The following TBC1D12 variants were observed in gnomAD, a reference collection of about 807,000 sequenced individuals.
TBC1D12 encodes the protein TBC1 domain family member 12, also known as TBC1 domain family, member 12.
In TBC1D12, 56 loss-of-function variants were observed where a neutral mutation model predicts 86.7. The observed-to-expected ratio is 0.65, with a 90% CI of 0.52 to 0.81. The LOEUF is 0.81. Ranked by LOEUF, TBC1D12 falls within the 30% of genes least tolerant of loss-of-function variation. The pLI, the probability that TBC1D12 is intolerant of heterozygous loss-of-function variation, is 0.00. For synonymous variants in TBC1D12, 421 were observed against 411.7 expected (o/e 1.02, Z -0.27); for missense variants, 1,023 against 1,038.8 (o/e 0.98, Z 0.21).
intron 3 of TBC1D12, among the ~76,000 whole-genome samples, chr10:94,477,652 T>C (rs7092239): frequency 0.027 from 4,128 of 152,274 alleles, 188 homozygotes; most frequent in African/African-American, 0.091. Context: ...TTCTTCTGTT[T>C]ATGGATGCAG....
chr10:94,501,202 A>G (rs2056391903), intron 6 of TBC1D12, among the ~76,000 whole-genome samples: 1 of 152,126 alleles, frequency 6.6e-6, no homozygotes, highest in Admixed American at 6.5e-5. Flanking sequence ...TAATCCCAGC[A>G]CTTTGGGAGG....
chr10:94,415,886 A>G (rs909419487), intron 1 of TBC1D12, among the ~76,000 whole-genome samples: 1 of 152,236 alleles, frequency 6.6e-6, no homozygotes, highest in Non-Finnish European at 1.5e-5. Flanking sequence ...AAATACTAGA[A>G]TAAGGATTTA....
At chr10:94,468,741 T>G (rs578261497) in intron 2 of TBC1D12, among the ~76,000 whole-genome samples, 63 of 152,324 alleles carry the variant, frequency 4.1e-4, no homozygotes, top group Non-Finnish European at 8.4e-4. Flanking sequence ...ATTTCAGCCA[T>G]TATTGTCTTA....
At chr10:94,508,398 TG>T (rs1216584378) in intron 7 of TBC1D12, 1 of 152,310 alleles carries the variant, frequency 6.6e-6, no homozygotes, top group Admixed American at 6.5e-5. Flanking sequence ...TCCAAAGTGC[TG>T]GGATTGCAGG....
intron 12 of TBC1D12, 45 bp from the exon 13 acceptor site, chr10:94,532,983 G>A: frequency 1.9e-6 from 2 of 1,078,056 alleles, no homozygotes; most frequent in African/African-American, 3.2e-5. Context: ...CTTTAATCTG[G>A]GTGGTAGTTT....
Position 94,403,268 on chromosome 10 carries a change from T to C in TBC1D12, c.655T>C (p.Ser219Pro), listed in dbSNP as rs1485964304. The change falls in exon 1 of 13, where the codon TCG becomes CCG. Residue 219 changes from serine (S) to proline (P), a missense_variant. Ser to Pro is a moderately conservative substitution (Grantham distance 74). This residue lies in a region of TBC1D12 where 628 missense variants were observed against 531.1 expected (regional missense o/e 1.18). Transcript: ENST00000225235. ...AQEPEGAGSD[S>P]GDSPASSCSS... ...GGAGCCCGAGGGCGCGGGCAGCGAC[T>C]CGGGGGACAGCCCCGCCAGCAGCTG... The C allele has an allele frequency of 6.7e-7, 1 of 1,503,138 alleles. No homozygotes were observed. The highest frequency in any genetic ancestry group is 1.5e-5 in the African/African-American group (1 of 68,492). The allele number at this position is 1,503,138 out of a possible 1,614,324, so 93.1% of individuals were successfully genotyped here.
intron 3 of TBC1D12, among the ~76,000 whole-genome samples, chr10:94,476,018 C>T (rs573656942): frequency 2.6e-5 from 4 of 152,260 alleles, no homozygotes; most frequent in Admixed American, 2.6e-4. Context: ...TAGCTTACTG[C>T]AGCCTCGAAC....
chr10:94,419,988 T>C (rs2055052661), intron 1 of TBC1D12, among the ~76,000 whole-genome samples: 2 of 152,224 alleles, frequency 1.3e-5, no homozygotes, highest in African/African-American at 4.8e-5. Context: ...GTTTTATAAA[T>C]CTGTTAAATT....
At position 94,402,606 on chromosome 10, in the gene TBC1D12, AC is replaced by A; in HGVS notation, c.-3del. 1 of 1,610,478 alleles carries A rather than the reference AC, an allele frequency of 6.2e-7. No individual in the cohort carries two copies. Among genetic ancestry groups the A allele is most frequent in the Non-Finnish European group, 8.5e-7 (1 of 1,178,908 alleles). Reference sequence around the variant, plus strand: ...TTGCCTCCTGGGGCGGCCGCCACCCACCCCCAGATGGTGGGTCCGGAGGATG... The same window carrying A: ...TTGCCTCCTGGGGCGGCCGCCACCCACCCCAGATGGTGGGTCCGGAGGATG... On this transcript the variant is annotated 5_prime_UTR_variant, in exon 1 of 13. Coordinates refer to ENST00000225235, the MANE Select transcript of TBC1D12 (RefSeq NM_015188.2).
chr10:94,512,195 A>T (rs1197177076), intron 9 of TBC1D12, among the ~76,000 whole-genome samples: 1 of 152,212 alleles, frequency 6.6e-6, no homozygotes, highest in Non-Finnish European at 1.5e-5. Context: ...TTTAGTTTTA[A>T]CATTCTACAC....
chr10:94,412,506 G>A lies in TBC1D12; in HGVS notation c.971+8922G>A, dbSNP rs115300016. Among the ~76,000 whole-genome samples, 1,223 of 152,288 alleles carry A rather than the reference G, an allele frequency of 8.0e-3. 16 individuals are homozygous for A. The highest frequency in any genetic ancestry group is 0.027 in the African/African-American group (1,103 of 41,562). On this transcript the variant is annotated intron_variant, in intron 1 of 12. Coordinates refer to ENST00000225235, the MANE Select transcript of TBC1D12 (RefSeq NM_015188.2). ...GAAGTCTTGAAGCTTTGACTAAAAA[G>A]CAAATCTGAGAAGGAACCGAAAGGA...
In TBC1D12 at chr10:94,489,823, C is replaced by G. The variant is rs1313822821; in HGVS notation, c.1212-3542C>G. 2.0e-5 allele frequency among the ~76,000 whole-genome samples: 3 copies of G among 152,168 alleles called. 1 individual carries two copies. Among genetic ancestry groups the G allele is most frequent in the Admixed American group, 1.3e-4 (2 of 15,280 alleles). On this transcript the variant is annotated intron_variant, in intron 3 of 12. Transcript: ENST00000225235. The stretch of plus-strand genomic sequence containing the variant: ...GGAGCAGTAAGACACACATGTTTGC[C>G]TTGGCACACAAATTTGCCATCTTAT...
intron 2 of TBC1D12, among the ~76,000 whole-genome samples, chr10:94,458,411 T>C (rs565333047): frequency 6.6e-6 from 1 of 152,252 alleles, no homozygotes; most frequent in Admixed American, 6.5e-5. Flanking sequence ...AAGAAATAAA[T>C]TCTTTTGAAT....
intron 2 of TBC1D12, among the ~76,000 whole-genome samples, chr10:94,463,091 A>G (rs1308955994): frequency 3.9e-5 from 6 of 152,186 alleles, no homozygotes; most frequent in Non-Finnish European, 7.3e-5. Context: ...TTTTCAATCA[A>G]TGAAAGATAC....
chr10:94,483,042 T>C (rs983869379), intron 3 of TBC1D12, among the ~76,000 whole-genome samples: 2 of 147,738 alleles, frequency 1.4e-5, no homozygotes, highest in Non-Finnish European at 3.0e-5. Flanking sequence ...TCTTCTTCTT[T>C]TTTTTTTTTT....
At chr10:94,475,558 GT>G (rs1293625451) in intron 3 of TBC1D12, among the ~76,000 whole-genome samples, 1 of 152,110 alleles carries the variant, frequency 6.6e-6, no homozygotes, top group African/African-American at 2.4e-5. Flanking sequence ...AGCCTCCTGA[GT>G]AGCTGGGATT....
At chr10:94,520,709 G>A (rs184023545) in intron 9 of TBC1D12, among the ~76,000 whole-genome samples, 1 of 152,082 alleles carries the variant, frequency 6.6e-6, no homozygotes. Flanking sequence ...ACCCAGTCTG[G>A]AGTGCAGTGG....
chr10:94,465,588 G>A (rs2055793849), intron 2 of TBC1D12, among the ~76,000 whole-genome samples: 1 of 151,832 alleles, frequency 6.6e-6, no homozygotes, highest in South Asian at 2.1e-4. Flanking sequence ...GGAGGTTACA[G>A]TGAGCCAAGA....
chr10:94,429,480 G>T (rs534629406), intron 1 of TBC1D12, among the ~76,000 whole-genome samples: 1 of 152,180 alleles, frequency 6.6e-6, no homozygotes, highest in African/African-American at 2.4e-5. Flanking sequence ...AGTAATCTTT[G>T]TGCCAGATCT....
Sources: allele counts gnomAD v4.1 joint callset (sites outside exome capture counted in the v4.1 genomes callset), GRCh38; gene constraint gnomAD v4.1.1; regional missense constraint gnomAD v4.1.1; transcripts MANE v1.5; gene names NCBI Gene and HGNC (gene_info 2026-07-23, HGNC 2026-07-21).